SH3RF2: variants seen among roughly 807,000 people sequenced by gnomAD.
SH3RF2 encodes the protein SH3 domain containing ring finger 2.
Under a neutral mutation model 59.0 loss-of-function variants are expected in SH3RF2, and 43 were observed. The ratio of observed to expected loss-of-function variants is 0.73; its 90% CI spans 0.57 to 0.94. The LOEUF (loss-of-function observed/expected upper bound fraction) is 0.94. Ranked by LOEUF, SH3RF2 falls within the 40% of genes least tolerant of loss-of-function variation. SH3RF2 has a pLI of 0.00. For missense variants in SH3RF2, 930 were observed against 940.1 expected (o/e 0.99, Z 0.14); for synonymous variants, 391 against 391.5 (o/e 1.00, Z 0.01).
At chr5:146,013,584 G>A (rs926935767) in intron 4 of SH3RF2, among the ~76,000 whole-genome samples, 163 bp from the exon 5 acceptor site, 7 of 152,144 alleles carry the variant, frequency 4.6e-5, no homozygotes, top group South Asian at 2.1e-4. Flanking sequence ...AGGATGCATC[G>A]ATAAAAGATG....
downstream of SH3RF2, among the ~76,000 whole-genome samples, chr5:146,067,884 C>T (rs1293995121): frequency 6.6e-6 from 1 of 152,192 alleles, no homozygotes; most frequent in Non-Finnish European, 1.5e-5. Context: ...GCAATAAAGC[C>T]CTTCTCCATT....
chr5:146,032,605 G>A (rs1177916646), intron 5 of SH3RF2, among the ~76,000 whole-genome samples: 1 of 152,180 alleles, frequency 6.6e-6, no homozygotes, highest in Non-Finnish European at 1.5e-5. Context: ...ACTAGGTGTG[G>A]TGACAGAGAC....
At chr5:146,064,619 G>A (rs866145746), downstream of SH3RF2, among the ~76,000 whole-genome samples, 7 of 123,978 alleles carry the variant, frequency 5.6e-5, no homozygotes, top group Admixed American at 8.8e-5. Flanking sequence ...GAGAGAGGGA[G>A]AGAGAGAGAG....
At chr5:146,038,069 G>C (rs1484909176) in intron 5 of SH3RF2, among the ~76,000 whole-genome samples, 2 of 151,930 alleles carry the variant, frequency 1.3e-5, no homozygotes, top group African/African-American at 4.8e-5. Flanking sequence ...ACAGATTAAA[G>C]GAGAAAAAAA....
In SH3RF2 at chr5:146,049,229, G is replaced by T; in HGVS notation, c.1306G>T (p.Val436Phe). 6.2e-7 allele frequency: 1 copy of T among 1,610,910 alleles called. No individual in the cohort carries two copies. The highest frequency in any genetic ancestry group is 1.1e-5 in the South Asian group (1 of 90,784). The change falls in exon 7 of 10, where the codon GTC becomes TTC. Residue 436 changes from valine to phenylalanine, a missense_variant. Coordinates refer to ENST00000359120, the MANE Select transcript of SH3RF2 (RefSeq NM_152550.4). Reference protein sequence around the residue: ...GRVGIFPNNYVIPIFRKTSSF... With the variant: ...GRVGIFPNNYFIPIFRKTSSF... ...AGTCGGCATCTTCCCAAACAATTAC[G>T]TCATCCCCATTTTCAGGTGTGTCGC...
At chr5:146,006,814 CAG>C (rs1051261371) in intron 4 of SH3RF2, among the ~76,000 whole-genome samples, 2 of 152,190 alleles carry the variant, frequency 1.3e-5, no homozygotes, top group Admixed American at 6.5e-5. Context: ...ATGTTCAGTG[CAG>C]AGTGATGAGG....
intron 5 of SH3RF2, among the ~76,000 whole-genome samples, chr5:146,017,182 A>G (rs1465958579): frequency 6.6e-6 from 1 of 152,218 alleles, no homozygotes; most frequent in Admixed American, 6.5e-5. Flanking sequence ...ACTAAAAACA[A>G]TGGCACTCGA....
rs773222977 is a variant in SH3RF2 at position 146,062,479 on chromosome 5, C to T, written c.1968C>T (p.Tyr656=). The T allele has an allele frequency of 3.1e-6, 5 of 1,614,198 alleles. No homozygotes were observed. Among genetic ancestry groups the T allele is most frequent in the Non-Finnish European group, 4.2e-6 (5 of 1,180,024 alleles). ...QNYSPPPTKH[Y]TSHPTSGKPE... ...ACAGCCCTCCTCCCACCAAACATTA[C>T]ACCTCCCATCCCACCTCCGGAAAGC... The change falls in exon 10 of 10, where the codon TAC becomes TAT. Residue 656 remains tyrosine, a synonymous_variant. Coordinates refer to ENST00000359120, the MANE Select transcript of SH3RF2 (RefSeq NM_152550.4).
chr5:146,031,915 AC>A (rs1761758350), intron 5 of SH3RF2, among the ~76,000 whole-genome samples: 1 of 152,014 alleles, frequency 6.6e-6, no homozygotes, highest in African/African-American at 2.4e-5. Flanking sequence ...TATAAGACCC[AC>A]CCCAAAGCTA....
At chr5:146,075,067 G>C (rs1763316203) in intron 9 of SH3RF2, among the ~76,000 whole-genome samples, 1 of 152,202 alleles carries the variant, frequency 6.6e-6, no homozygotes, top group African/African-American at 2.4e-5. Flanking sequence ...GGAATGTAAA[G>C]TTTAAAGAAC....
intron 5 of SH3RF2, among the ~76,000 whole-genome samples, chr5:146,018,526 ACAC>A (rs77119698): frequency 0.13 from 20,215 of 151,878 alleles, 1,803 homozygotes; most frequent in East Asian, 0.27. Context: ...ACACACACAC[ACAC>A]CACATTTTCT....
intron 2 of SH3RF2, among the ~76,000 whole-genome samples, chr5:145,988,048 C>A (rs1476811547): frequency 1.1e-4 from 16 of 152,174 alleles, no homozygotes; most frequent in Admixed American, 1.0e-3. Context: ...ATAAGTTAGT[C>A]AGCAGTGGAA....
chr5:145,941,984 GA>G (rs1038301900), intron 2 of SH3RF2, among the ~76,000 whole-genome samples: 1 of 152,188 alleles, frequency 6.6e-6, no homozygotes, highest in Non-Finnish European at 1.5e-5. Context: ...GCCATCCAGA[GA>G]CGGTCCTTGG....
rs77557702 is a variant in SH3RF2, at chr5:146,050,747, A to T, written c.1322+1502A>T. Among the ~76,000 whole-genome samples the T allele has an allele frequency of 8.4e-3, 1,272 of 152,326 alleles. 19 individuals carry two copies. The highest frequency in any genetic ancestry group is 0.029 in the African/African-American group (1,208 of 41,560). ...TTTTTAAAACCAAGATATTTAAGTA[A>T]TCTTTATGATGTGTTAATTATACTG... On this transcript the variant is annotated intron_variant, in intron 7 of 9. Transcript: ENST00000359120.
At chr5:146,004,774 A>G (rs1760572362) in intron 4 of SH3RF2, among the ~76,000 whole-genome samples, 1 of 152,156 alleles carries the variant, frequency 6.6e-6, no homozygotes, top group Non-Finnish European at 1.5e-5. Flanking sequence ...TTTATGATTC[A>G]TTGTTAAGTT....
intron 4 of SH3RF2, among the ~76,000 whole-genome samples, chr5:146,007,674 T>C (rs1414588612): frequency 6.6e-6 from 1 of 152,184 alleles, no homozygotes; most frequent in Non-Finnish European, 1.5e-5. Context: ...CATTTAATGA[T>C]TATTCATTTG....
intron 2 of SH3RF2, among the ~76,000 whole-genome samples, chr5:145,942,740 G>C (rs1757864873): frequency 6.6e-6 from 1 of 152,240 alleles, no homozygotes; most frequent in African/African-American, 2.4e-5. Context: ...AAGAGACCCA[G>C]ATGGTTCTCC....
chr5:145,986,247 C>T, intron 2 of SH3RF2, among the ~76,000 whole-genome samples: 1 of 152,132 alleles, frequency 6.6e-6, no homozygotes, highest in East Asian at 1.9e-4. Context: ...ATTCCTCCTT[C>T]AGCTCCAAAA....
At chr5:146,016,860 T>C (rs1269441703) in intron 5 of SH3RF2, among the ~76,000 whole-genome samples, 1 of 152,142 alleles carries the variant, frequency 6.6e-6, no homozygotes, top group Non-Finnish European at 1.5e-5. Flanking sequence ...CTTTTGCACC[T>C]GAAAAAGGCT....
Sources: gnomAD v4.1 joint callset for allele counts (sites outside exome capture counted in the v4.1 genomes callset) on GRCh38, gnomAD v4.1.1 for gene constraint, MANE v1.5 for transcripts, NCBI Gene and HGNC (gene_info 2026-07-23, HGNC 2026-07-21) for gene names.